Variants in KIAA1217 observed in about 807,000 individuals in gnomAD.
KIAA1217 encodes sickle tail protein homolog.
A neutral mutation model predicts 163.9 loss-of-function variants in KIAA1217; 88 were observed. The ratio of observed to expected loss-of-function variants is 0.54; its 90% confidence interval spans 0.45 to 0.64. The LOEUF is 0.64. KIAA1217 is among the 30% of genes least tolerant of loss of function. KIAA1217 has a pLI of 0.00. For synonymous variants in KIAA1217, 903 were observed against 923.1 expected (o/e 0.98, Z 0.39); for missense variants, 2,372 against 2,475.0 (o/e 0.96, Z 0.88).
At chr10:24,439,529 TAAAAC>T (rs1159634355) in intron 5 of KIAA1217, among the ~76,000 whole-genome samples, 7 of 152,204 alleles carry the variant, frequency 4.6e-5, no homozygotes, top group Admixed American at 1.3e-4. Context: ...TTCAGTGACT[TAAAAC>T]AACACAGATT....
chr10:23,818,208 T>G (rs913081698), intron 1 of KIAA1217, among the ~76,000 whole-genome samples: 1 of 144,194 alleles, frequency 6.9e-6, no homozygotes, highest in South Asian at 2.1e-4. Flanking sequence ...AGACATATTT[T>G]TTTTGCATCT....
chr10:24,022,502 T>C (rs753994225), intron 2 of KIAA1217, among the ~76,000 whole-genome samples: 1 of 151,770 alleles, frequency 6.6e-6, no homozygotes, highest in Non-Finnish European at 1.5e-5. Context: ...AACTCATTCA[T>C]TGCTGGAGAG....
At chr10:24,233,088 ATACTCCAGCCTGGG>A (rs1313010240) in intron 2 of KIAA1217, among the ~76,000 whole-genome samples, 1 of 152,058 alleles carries the variant, frequency 6.6e-6, no homozygotes, top group Non-Finnish European at 1.5e-5. Flanking sequence ...TCATTCCACC[ATACTCCAGCCTGGG>A]TGACAAAGCA....
intron 1 of KIAA1217, among the ~76,000 whole-genome samples, chr10:23,822,314 AAG>A (rs1588889604): frequency 1.3e-5 from 2 of 152,176 alleles, no homozygotes; most frequent in African/African-American, 4.8e-5. Context: ...TACCTAGAAA[AAG>A]GACTGATAAT....
intron 1 of KIAA1217, among the ~76,000 whole-genome samples, chr10:23,959,247 A>G (rs1049426958): frequency 1.3e-5 from 2 of 152,104 alleles, no homozygotes; most frequent in African/African-American, 2.4e-5. Flanking sequence ...AATAAAAGAT[A>G]TGCTGGGCAC....
intron 1 of KIAA1217, among the ~76,000 whole-genome samples, chr10:23,875,651 A>T (rs1840654655): frequency 1.3e-5 from 2 of 152,096 alleles, no homozygotes; most frequent in Admixed American, 1.3e-4. Flanking sequence ...ATACACACGT[A>T]TGTTTATTGC....
chr10:23,849,854 T>C (rs1355175286), intron 1 of KIAA1217, among the ~76,000 whole-genome samples: 1 of 152,040 alleles, frequency 6.6e-6, no homozygotes, highest in Non-Finnish European at 1.5e-5. Flanking sequence ...CCGTCTTTGA[T>C]TGACCTTCCT....
At chr10:23,818,004 T>TACAC (rs1280066493) in intron 1 of KIAA1217, among the ~76,000 whole-genome samples, 5 of 104,794 alleles carry the variant, frequency 4.8e-5, no homozygotes, top group African/African-American at 2.1e-4. Flanking sequence ...TATATATATA[T>TACAC]ATATACACAC....
chr10:23,974,432 T>A (rs1490933527), intron 1 of KIAA1217, among the ~76,000 whole-genome samples: 4 of 152,170 alleles, frequency 2.6e-5, no homozygotes. Flanking sequence ...GGACCTCAGT[T>A]GTTTTCTTCT....
At chr10:24,140,735 A>G (rs2064030167) in intron 2 of KIAA1217, among the ~76,000 whole-genome samples, 2 of 152,206 alleles carry the variant, frequency 1.3e-5, no homozygotes, top group South Asian at 2.1e-4. Context: ...AAAATTGCAG[A>G]TAAGGTGGGG....
rs138023518 is a variant in KIAA1217 at position 24,426,560 on chromosome 10, C to T, written c.554-6435C>T. Among the ~76,000 whole-genome samples the T allele has an allele frequency of 1.8e-3, 281 of 152,026 alleles. 2 individuals carry two copies. Among genetic ancestry groups the T allele is most frequent in the Admixed American group, 7.5e-3 (114 of 15,254 alleles). ...AATCACTTGAACCCAGGAGGTGTGA[C>T]GTTGCAGTGAGCCGAGATCGCACCA... On this transcript the variant is annotated intron_variant, in intron 3 of 20. Transcript: ENST00000376454.
At chr10:23,846,732 C>A (rs1220166167) in intron 1 of KIAA1217, among the ~76,000 whole-genome samples, 1 of 152,168 alleles carries the variant, frequency 6.6e-6, no homozygotes, top group Non-Finnish European at 1.5e-5. Context: ...TTATTTCTTT[C>A]TCTTGCCTAA....
chr10:23,810,471 CTA>C (rs947948572), intron 1 of KIAA1217, among the ~76,000 whole-genome samples: 3 of 138,700 alleles, frequency 2.2e-5, no homozygotes, highest in Admixed American at 7.5e-5. Context: ...TATGTATAAT[CTA>C]TATATATACT....
chr10:24,085,437 G>C lies in KIAA1217; in HGVS notation c.-171+78063G>C, dbSNP rs147456338. On this transcript the variant is annotated intron_variant, in intron 2 of 18. Transcript: ENST00000376462. ...TTCAGGAGATGTGAAACCCAGTCAAGACCATTTGTCTTGCCTTCTGGTCTT... is the reference window on the plus strand; with the variant it reads ...TTCAGGAGATGTGAAACCCAGTCAACACCATTTGTCTTGCCTTCTGGTCTT... Among the ~76,000 whole-genome samples the C allele has an allele frequency of 3.9e-3, 587 of 152,218 alleles. 4 individuals carry two copies. The Middle Eastern group carries it at 0.051, about 13-fold the overall frequency.
intron 1 of KIAA1217, among the ~76,000 whole-genome samples, chr10:23,817,808 G>A (rs1837377485): frequency 6.6e-6 from 1 of 150,776 alleles, no homozygotes; most frequent in South Asian, 2.1e-4. Flanking sequence ...TGAAATATAG[G>A]GCCAGATGTG....
intron 2 of KIAA1217, among the ~76,000 whole-genome samples, chr10:24,098,001 G>A (rs954135617): frequency 9.2e-5 from 14 of 151,960 alleles, no homozygotes; most frequent in Non-Finnish European, 2.1e-4. Context: ...TTTTCTGCTT[G>A]CATGCCCTGG....
chr10:24,381,993 T>C (rs1018069351), intron 3 of KIAA1217, among the ~76,000 whole-genome samples: 9 of 152,112 alleles, frequency 5.9e-5, no homozygotes, highest in Admixed American at 2.0e-4. Context: ...GGATTCTTTT[T>C]ATGATTTTAC....
chr10:24,452,551 G>A (rs1273416343), intron 5 of KIAA1217, among the ~76,000 whole-genome samples: 8 of 151,260 alleles, frequency 5.3e-5, no homozygotes, highest in African/African-American at 9.7e-5. Flanking sequence ...GCGTGGTGGC[G>A]GGCGCCTGTA....
rs139998640 is a variant in KIAA1217, at chr10:24,009,377, A to G, written c.-171+2003A>G. 5.9e-5 allele frequency among the ~76,000 whole-genome samples: 9 copies of G among 151,860 alleles called. No individual in the cohort carries two copies. In the East Asian group the frequency reaches 9.7e-4, roughly 16 times the overall value. On this transcript the variant is annotated intron_variant, in intron 2 of 18. Coordinates refer to the KIAA1217 transcript ENST00000376462. The stretch of plus-strand genomic sequence containing the variant: ...TTGATAAGCAGAGCAGAACATCGAC[A>G]GGGATTTTTTTTTTTAAAGCCCAAA...
Sources: allele counts gnomAD v4.1 joint callset (sites outside exome capture counted in the v4.1 genomes callset), GRCh38; gene constraint gnomAD v4.1.1; transcripts MANE v1.5; gene names NCBI Gene and HGNC (gene_info 2026-07-23, HGNC 2026-07-21).